Variants in WDR17 observed in about 807,000 individuals in gnomAD.
The protein encoded by WDR17 is WD repeat-containing protein 17.
In WDR17, 143 loss-of-function variants were observed where a neutral mutation model predicts 161.7. The ratio of observed to expected loss-of-function variants is 0.88; its 90% CI spans 0.77 to 1.02. The LOEUF is 1.02. Among genes scored for constraint, WDR17 ranks in the 50% least tolerant of loss-of-function variants. WDR17 has a pLI of 0.00. For missense variants in WDR17, 1,469 were observed against 1,520.9 expected (o/e 0.97, Z 0.57); for synonymous variants, 517 against 515.6 (o/e 1.00, Z -0.04).
intron 6 of WDR17, among the ~76,000 whole-genome samples, chr4:176,130,518 G>A (rs1444632749): frequency 6.6e-6 from 1 of 152,150 alleles, no homozygotes. Flanking sequence ...GCCAAGGCGG[G>A]CAGATCACAA....
At position 176,094,230 on chromosome 4, in the gene WDR17, C is replaced by T. The variant is rs1736505140; in HGVS notation, c.-6-17345C>T. The stretch of plus-strand genomic sequence containing the variant: ...TTTTCCAAGTTTCAGGAATATATGC[C>T]TTCAGTTCATGTGAACTGTCACTAG... On this transcript the variant is annotated intron_variant, in intron 1 of 28. Transcript: ENST00000508596. 2.6e-5 allele frequency among the ~76,000 whole-genome samples: 4 copies of T among 152,142 alleles called. No individual in the cohort carries two copies. In the South Asian group the frequency reaches 8.3e-4, roughly 31 times the overall value.
intron 1 of WDR17, among the ~76,000 whole-genome samples, chr4:176,087,739 G>T (rs1473752098): frequency 1.3e-5 from 2 of 152,038 alleles, no homozygotes; most frequent in Non-Finnish European, 2.9e-5. Flanking sequence ...AACTAATAGT[G>T]ACTTTTGGGA....
At chr4:176,120,417 C>T (rs1741400112) in intron 4 of WDR17, among the ~76,000 whole-genome samples, 1 of 150,946 alleles carries the variant, frequency 6.6e-6, no homozygotes, top group Admixed American at 6.6e-5. Flanking sequence ...TATTTCTGTA[C>T]ATTTACTAAA....
chr4:176,081,652 T>C (rs977660023), intron 1 of WDR17, among the ~76,000 whole-genome samples: 2 of 152,172 alleles, frequency 1.3e-5, no homozygotes, highest in Non-Finnish European at 2.9e-5. Context: ...AGTGTTAGAA[T>C]TGCAGCATCT....
At chr4:176,103,563 A>T (rs1295355084) in intron 1 of WDR17, among the ~76,000 whole-genome samples, 1 of 152,162 alleles carries the variant, frequency 6.6e-6, no homozygotes, top group Non-Finnish European at 1.5e-5. Context: ...CAAGAAAACA[A>T]TGTATGAACA....
chr4:176,160,147 C>G (rs1181980970), intron 19 of WDR17, 21 bp downstream of exon 19: 12 of 1,611,300 alleles, frequency 7.4e-6, no homozygotes, highest in Non-Finnish European at 1.0e-5. Flanking sequence ...AGAACTACCC[C>G]AGTCACATAC....
At chr4:176,095,326 T>G (rs1736684682) in intron 1 of WDR17, among the ~76,000 whole-genome samples, 1 of 152,166 alleles carries the variant, frequency 6.6e-6, no homozygotes, top group Non-Finnish European at 1.5e-5. Flanking sequence ...CATCGAAATG[T>G]TAACAAATTA....
chr4:176,152,416 G>C (rs913956640), intron 17 of WDR17, among the ~76,000 whole-genome samples: 1 of 151,260 alleles, frequency 6.6e-6, no homozygotes, highest in African/African-American at 2.4e-5. Flanking sequence ...CCAACATGGG[G>C]AAACCTTGTC....
chr4:176,175,926 A>G (rs1343708147), intron 26 of WDR17, among the ~76,000 whole-genome samples: 1 of 152,102 alleles, frequency 6.6e-6, no homozygotes, highest in Non-Finnish European at 1.5e-5. Context: ...TCTCATTCCT[A>G]ACTTCTCCCT....
chr4:176,096,517 T>C (rs752285114), intron 1 of WDR17: 8 of 1,603,836 alleles, frequency 5.0e-6, no homozygotes, highest in East Asian at 2.3e-5. Flanking sequence ...GTAGAAACAT[T>C]CTATGGCTTG....
At chr4:176,095,142 TA>T (rs1355602989) in intron 1 of WDR17, among the ~76,000 whole-genome samples, 1 of 151,908 alleles carries the variant, frequency 6.6e-6, no homozygotes, top group East Asian at 1.9e-4. Flanking sequence ...AGGACTTAGA[TA>T]AAGAATTGCA....
In WDR17 at chr4:176,092,146, A is replaced by C. The variant is rs910183021; in HGVS notation, c.-6-19429A>C. Among the ~76,000 whole-genome samples the C allele has an allele frequency of 2.0e-5, 3 of 152,194 alleles. No individual in the cohort carries two copies. The East Asian group carries it at 5.8e-4, about 29-fold the overall frequency. ...AAAACCAGACAAAGACCCAACAAAA[A>C]AAGAAAATTAAAGGCCAGTGTTTCC... On this transcript the variant is annotated intron_variant, in intron 1 of 28. Transcript: ENST00000508596.
Position 176,182,405 on chromosome 4 carries a change from G to GTATATATA in WDR17, c.*2844_*2851dup, listed in dbSNP as rs34628181. 5.6e-4 allele frequency: 84 copies of GTATATATA among 148,742 alleles called. No homozygotes were observed. Among genetic ancestry groups the GTATATATA allele is most frequent in the African/African-American group, 2.0e-3 (82 of 40,582 alleles). The allele number at this position is 148,742 out of a possible 1,614,324, so 9.2% of individuals were successfully genotyped here. A position where few individuals can be genotyped will look rare whatever the true frequency, so the allele number is the denominator to read the frequency against. On this transcript the variant is annotated 3_prime_UTR_variant, in exon 29 of 29. Transcript: ENST00000508596. The surrounding 1 kb of genome is among the most constrained non-coding windows in gnomAD (Gnocchi z 4.2). ...AATATATATATGTGCGTGTGTGTGT[G>GTATATATA]TATATATATATATATATATATATAT...
intron 18 of WDR17, among the ~76,000 whole-genome samples, chr4:176,158,139 A>G (rs1748449605): frequency 6.6e-6 from 1 of 152,224 alleles, no homozygotes; most frequent in South Asian, 2.1e-4. Flanking sequence ...TAAATAGGGT[A>G]GAAAGTGATG....
chr4:176,095,665 T>C (rs1241632821), intron 1 of WDR17, among the ~76,000 whole-genome samples: 1 of 152,048 alleles, frequency 6.6e-6, no homozygotes, highest in Non-Finnish European at 1.5e-5. Flanking sequence ...TTACTCATTT[T>C]CTCTTTTTCT....
chr4:176,130,723 C>T (rs1419990314), intron 6 of WDR17, among the ~76,000 whole-genome samples: 2 of 126,312 alleles, frequency 1.6e-5, no homozygotes, highest in Non-Finnish European at 1.6e-5. Context: ...CCAGCCCGGG[C>T]AACAGAGCGA....
At chr4:176,151,735 A>G (rs1488902313) in intron 16 of WDR17, 77 bp from the exon 17 acceptor site, 15 of 1,287,706 alleles carry the variant, frequency 1.2e-5, no homozygotes, top group East Asian at 5.0e-5. Context: ...ATTTCAAAAT[A>G]TGCAACAAAT....
At chr4:176,098,719 T>A (rs1047018913) in intron 1 of WDR17, among the ~76,000 whole-genome samples, 2 of 152,030 alleles carry the variant, frequency 1.3e-5, no homozygotes, top group African/African-American at 4.8e-5. Context: ...TTTGTTTGAA[T>A]ATGTAATTCA....
intron 1 of WDR17, among the ~76,000 whole-genome samples, chr4:176,092,934 T>G (rs1736319699): frequency 6.6e-6 from 1 of 151,952 alleles, no homozygotes; most frequent in Non-Finnish European, 1.5e-5. Context: ...CCCAGCTACT[T>G]TGGTGGTTGA....
Sources: allele counts gnomAD v4.1 joint callset (sites outside exome capture counted in the v4.1 genomes callset), GRCh38; gene constraint gnomAD v4.1.1; non-coding constraint Gnocchi (gnomAD v3.1); transcripts MANE v1.5; gene names NCBI Gene and HGNC (gene_info 2026-07-23, HGNC 2026-07-21).